MICU1: variants seen among roughly 807,000 people sequenced by gnomAD.
The protein encoded by MICU1 is mitochondrial calcium uptake 1.
Under a neutral mutation model 56.8 loss-of-function variants are expected in MICU1, and 45 were observed. That is an observed-to-expected ratio of 0.79 (90% CI 0.62 to 1.02). The LOEUF (loss-of-function observed/expected upper bound fraction) is 1.02. MICU1 is among the 50% of genes least tolerant of loss of function. The probability of loss-of-function intolerance (pLI) is 0.00; values close to 1 mark genes in which losing one functional copy is unlikely to be tolerated. For synonymous variants in MICU1, 186 were observed against 195.1 expected, an observed-to-expected ratio of 0.95 and a Z score of 0.39; for missense variants, 504 against 587.1, an observed-to-expected ratio of 0.86 and a Z score of 1.46.
intron 5 of MICU1, chr10:72,509,470 C>T (rs1351666258): frequency 2.7e-5 from 32 of 1,200,118 alleles, no homozygotes; most frequent in Non-Finnish European, 3.3e-5. Flanking sequence ...AATACAAGTA[C>T]CACACGAATC....
At chr10:72,533,854 C>T (rs971806950) in intron 4 of MICU1, 65 bp from the exon 5 acceptor site, 2 of 1,128,314 alleles carry the variant, frequency 1.8e-6, no homozygotes, top group Admixed American at 2.4e-5. Context: ...TATAAAATGA[C>T]AGCTCTTGGT....
intron 8 of MICU1, among the ~76,000 whole-genome samples, chr10:72,457,164 T>G (rs2132228107): frequency 6.6e-6 from 1 of 151,820 alleles, no homozygotes; most frequent in Admixed American, 6.6e-5. Flanking sequence ...CTAATACAGT[T>G]GTAGAGCTCT....
intron 1 of MICU1, among the ~76,000 whole-genome samples, chr10:72,599,760 T>G (rs1345750229): frequency 6.6e-6 from 1 of 152,170 alleles, no homozygotes; most frequent in East Asian, 1.9e-4. Context: ...ACTTCTATTA[T>G]GTACCACAAT....
chr10:72,622,168 C>T lies in MICU1; in HGVS notation c.-2+3842G>A, dbSNP rs192741326. On this transcript the variant is annotated intron_variant, in intron 1 of 11. Coordinates refer to ENST00000361114, the MANE Select transcript of MICU1 (RefSeq NM_001195518.2). The stretch of plus-strand genomic sequence containing the variant: ...TCGATCTCCTGACCTCGTGATCTGC[C>T]GGCCTCAGCCTCCCAAAGTGCTGGG... Among the ~76,000 whole-genome samples the T allele has an allele frequency of 4.6e-3, 693 of 151,812 alleles. 6 individuals carry two copies. The highest frequency in any genetic ancestry group is 6.7e-3 in the Non-Finnish European group (458 of 67,948).
At chr10:72,401,637 G>A (rs1008150850) in intron 10 of MICU1, among the ~76,000 whole-genome samples, 1 of 152,208 alleles carries the variant, frequency 6.6e-6, no homozygotes, top group African/African-American at 2.4e-5. Flanking sequence ...CTGGGCAACA[G>A]AGTGAGACCC....
chr10:72,610,364 CA>C (rs1256678428), intron 1 of MICU1, among the ~76,000 whole-genome samples: 1 of 151,746 alleles, frequency 6.6e-6, no homozygotes, highest in African/African-American at 2.4e-5. Context: ...TGGAATATGG[CA>C]ACTGATTCAT....
intron 1 of MICU1, 48 bp from the exon 2 acceptor site, chr10:72,566,842 A>T (rs758995460): frequency 7.0e-7 from 1 of 1,430,432 alleles, no homozygotes. Context: ...GGTAGTTATG[A>T]TGATGATGAT....
At chr10:72,382,293 G>A (rs1415640738) in intron 10 of MICU1, among the ~76,000 whole-genome samples, 1 of 135,772 alleles carries the variant, frequency 7.4e-6, no homozygotes, top group Admixed American at 7.4e-5. Context: ...TTTTTTTTTA[G>A]TAGAGACAGG....
At chr10:72,576,968 T>C (rs913267102) in intron 1 of MICU1, among the ~76,000 whole-genome samples, 3 of 152,040 alleles carry the variant, frequency 2.0e-5, no homozygotes, top group African/African-American at 7.2e-5. Flanking sequence ...ATAAAGAAAA[T>C]GTGGTGTATA....
chr10:72,479,885 C>T (rs756730386), intron 6 of MICU1, among the ~76,000 whole-genome samples: 3 of 152,170 alleles, frequency 2.0e-5, no homozygotes, highest in Non-Finnish European at 4.4e-5. Context: ...AATGTTCTCT[C>T]TTATTCTTCC....
chr10:72,378,381 G>C (rs1364829056), intron 10 of MICU1, among the ~76,000 whole-genome samples: 1 of 152,182 alleles, frequency 6.6e-6, no homozygotes, highest in East Asian at 1.9e-4. Flanking sequence ...CTGTTCTCAT[G>C]ATAGTAAGCG....
chr10:72,625,669 C>G (rs1192787111), intron 1 of MICU1, among the ~76,000 whole-genome samples: 1 of 152,198 alleles, frequency 6.6e-6, no homozygotes, highest in Non-Finnish European at 1.5e-5. Flanking sequence ...GAGAGCCAGT[C>G]AAGGCTACCA....
At chr10:72,624,234 G>A (rs934715125) in intron 1 of MICU1, among the ~76,000 whole-genome samples, 8 of 152,074 alleles carry the variant, frequency 5.3e-5, no homozygotes, top group Non-Finnish European at 5.9e-5. Flanking sequence ...TCGCTCTGTC[G>A]CCCAAGCTGG....
At chr10:72,491,410 A>T (rs1376395159) in intron 6 of MICU1, among the ~76,000 whole-genome samples, 1 of 152,196 alleles carries the variant, frequency 6.6e-6, no homozygotes, top group Non-Finnish European at 1.5e-5. Context: ...TGGATTTGGG[A>T]CCATTGCTTT....
chr10:72,402,617 C>T (rs1457459281), intron 10 of MICU1, among the ~76,000 whole-genome samples: 2 of 151,746 alleles, frequency 1.3e-5, no homozygotes, highest in African/African-American at 4.8e-5. Context: ...AAAAAATGAT[C>T]GATAAAATCT....
At chr10:72,562,384 C>T (rs1000770958) in intron 3 of MICU1, among the ~76,000 whole-genome samples, 3 of 151,972 alleles carry the variant, frequency 2.0e-5, no homozygotes, top group Non-Finnish European at 4.4e-5. Context: ...GAACTTCTGA[C>T]CTCAGGTGAT....
intron 5 of MICU1, among the ~76,000 whole-genome samples, chr10:72,527,119 T>C (rs1564919654): frequency 6.6e-6 from 1 of 152,182 alleles, no homozygotes; most frequent in Non-Finnish European, 1.5e-5. Context: ...CAGGTTAGTA[T>C]GAATTTCTAG....
chr10:72,457,494 A>C (rs1275014949), intron 8 of MICU1, among the ~76,000 whole-genome samples: 1 of 151,758 alleles, frequency 6.6e-6, no homozygotes, highest in African/African-American at 2.4e-5. Context: ...AGTGCTGGGA[A>C]TACAGGCATG....
intron 8 of MICU1, among the ~76,000 whole-genome samples, chr10:72,435,719 G>A (rs1864689460): frequency 6.6e-6 from 1 of 152,254 alleles, no homozygotes; most frequent in African/African-American, 2.4e-5. Flanking sequence ...GTTAGCAACT[G>A]GCAGACAAGG....
Sources: allele counts gnomAD v4.1 joint callset (sites outside exome capture counted in the v4.1 genomes callset), GRCh38; gene constraint gnomAD v4.1.1; transcripts MANE v1.5; gene names NCBI Gene and HGNC (gene_info 2026-07-23, HGNC 2026-07-21).